CELF4: variants seen among roughly 807,000 people sequenced by gnomAD.
CELF4 encodes the protein CUGBP Elav-like family member 4.
In CELF4, 18 loss-of-function variants were observed where a neutral mutation model predicts 59.9. That is an observed-to-expected ratio of 0.30 (90% CI 0.21 to 0.45). The LOEUF (loss-of-function observed/expected upper bound fraction) is 0.45. CELF4 is among the 20% of genes least tolerant of loss of function. CELF4 has a pLI of 1.00. For missense variants in CELF4, 456 were observed against 689.0 expected (o/e 0.66, Z 3.79); for synonymous variants, 261 against 267.1 (o/e 0.98, Z 0.22).
intron 2 of CELF4, among the ~76,000 whole-genome samples, chr18:37,328,278 G>A (rs954289241): frequency 3.9e-5 from 6 of 152,210 alleles, no homozygotes; most frequent in African/African-American, 7.2e-5. Context: ...ATCTGCAAGA[G>A]CAGGTTCTCA....
chr18:37,352,485 A>C (rs983317742), intron 2 of CELF4, among the ~76,000 whole-genome samples: 9 of 152,198 alleles, frequency 5.9e-5, no homozygotes, highest in Non-Finnish European at 8.8e-5. Flanking sequence ...TCTATAAAAA[A>C]TAATTAGCCA....
chr18:37,389,409 T>G (rs606359), intron 2 of CELF4, among the ~76,000 whole-genome samples: 73,276 of 152,068 alleles, frequency 0.48, 18,225 homozygotes, highest in East Asian at 0.7. Flanking sequence ...TGGAAATATT[T>G]TTTTAATTGA....
rs1472064279 is a variant in CELF4, at chr18:37,553,693, C to A, written c.286+11663G>T. Among the ~76,000 whole-genome samples, 5 of 152,284 alleles carry A rather than the reference C, an allele frequency of 3.3e-5. No homozygotes were observed. The East Asian group carries it at 9.7e-4, about 29-fold the overall frequency. Reference sequence around the variant, plus strand: ...TTTTGCTGGTGTCCCAGGCTCAGGCCCGGCTTGTCAAGTGAGGGAAATGAC... The same window carrying A: ...TTTTGCTGGTGTCCCAGGCTCAGGCACGGCTTGTCAAGTGAGGGAAATGAC... On this transcript the variant is annotated intron_variant, in intron 1 of 12. Coordinates refer to ENST00000420428, the MANE Select transcript of CELF4 (RefSeq NM_020180.4).
chr18:37,427,977 G>A (rs370597891), intron 2 of CELF4, among the ~76,000 whole-genome samples: 16 of 152,344 alleles, frequency 1.1e-4, no homozygotes, highest in Middle Eastern at 6.8e-3. Flanking sequence ...GTATGTGTGC[G>A]TGCATGTGCA....
chr18:37,449,658 G>A (rs2099757674), intron 2 of CELF4, among the ~76,000 whole-genome samples: 1 of 152,178 alleles, frequency 6.6e-6, no homozygotes, highest in Non-Finnish European at 1.5e-5. Context: ...AGAGTAAGGG[G>A]AAGGAAGAGC....
At chr18:37,314,344 A>G (rs1173690013) in intron 3 of CELF4, among the ~76,000 whole-genome samples, 1 of 151,930 alleles carries the variant, frequency 6.6e-6, no homozygotes, top group Non-Finnish European at 1.5e-5. Flanking sequence ...AATCCCAGCT[A>G]CTCTGGGGGC....
chr18:37,535,491 A>C (rs1271795629), intron 1 of CELF4, among the ~76,000 whole-genome samples: 1 of 152,204 alleles, frequency 6.6e-6, no homozygotes, highest in Admixed American at 6.5e-5. Flanking sequence ...GGCAAAATTC[A>C]GGAGCCACCT....
intron 2 of CELF4, among the ~76,000 whole-genome samples, chr18:37,439,612 C>T (rs554143202): frequency 1.3e-5 from 2 of 152,090 alleles, no homozygotes; most frequent in African/African-American, 2.4e-5. Flanking sequence ...ATGTTGGAGC[C>T]CTTGGGGACC....
chr18:37,565,694 C>CTT lies in CELF4; in HGVS notation c.-54_-53insAA. The CTT allele has an allele frequency of 4.3e-6, 6 of 1,385,042 alleles. No homozygotes were observed. Among genetic ancestry groups the CTT allele is most frequent in the South Asian group, 1.4e-5 (1 of 71,236 alleles). The allele number at this position is 1,385,042 out of a possible 1,614,324, so 85.8% of individuals were successfully genotyped here. The stretch of plus-strand genomic sequence containing the variant: ...TTCTCGCTCACACTCTCTCGCTCCT[C>CTT]TCTCTCGCTCGCTCGCGCTCACACA... On this transcript the variant is annotated 5_prime_UTR_variant, in exon 1 of 13. Transcript: ENST00000420428.
chr18:37,500,448 C>T (rs987391317), intron 1 of CELF4, among the ~76,000 whole-genome samples: 1 of 152,148 alleles, frequency 6.6e-6, no homozygotes, highest in Admixed American at 6.5e-5. Flanking sequence ...CTTCCGACTC[C>T]TGCAGCTGAG....
At chr18:37,326,679 G>A (rs369551826) in intron 2 of CELF4, among the ~76,000 whole-genome samples, 50 of 152,272 alleles carry the variant, frequency 3.3e-4, no homozygotes, top group African/African-American at 8.9e-4. Context: ...AAACCCTTGT[G>A]GACTGTGTTT....
chr18:37,425,614 A>T (rs990299697), intron 2 of CELF4, among the ~76,000 whole-genome samples: 57 of 152,374 alleles, frequency 3.7e-4, no homozygotes, highest in Non-Finnish European at 1.6e-4. Flanking sequence ...TAATTACCTC[A>T]TTAGAGCAGA....
intron 3 of CELF4, among the ~76,000 whole-genome samples, chr18:37,320,695 C>T (rs1304006540): frequency 6.6e-6 from 1 of 152,216 alleles, no homozygotes; most frequent in Non-Finnish European, 1.5e-5. Flanking sequence ...CAGTTCAGAG[C>T]AACGTCTGGG....
At chr18:37,554,108 T>C (rs975702964) in intron 1 of CELF4, among the ~76,000 whole-genome samples, 14 of 152,296 alleles carry the variant, frequency 9.2e-5, no homozygotes, top group African/African-American at 2.9e-4. Context: ...GACTGAATGC[T>C]GGTGCCAGAA....
chr18:37,331,585 C>T (rs2097544569), intron 2 of CELF4, among the ~76,000 whole-genome samples: 1 of 152,050 alleles, frequency 6.6e-6, no homozygotes. Context: ...TGGGGGTGTG[C>T]ACTCGGGTCT....
intron 3 of CELF4, among the ~76,000 whole-genome samples, chr18:37,301,823 G>A (rs1409353783): frequency 1.3e-5 from 2 of 152,164 alleles, no homozygotes; most frequent in African/African-American, 4.8e-5. Context: ...GCCCTTAATT[G>A]ATCTTATCCA....
Position 37,245,451 on chromosome 18 carries a change from G to A in CELF4, c.*45-254C>T, listed in dbSNP as rs1293901614. ...GCTGAGGTTTCGTTGTTGGGAGAAG[G>A]TTCTTGATTTGGGTTACTTTAGCAT... is the stretch of plus-strand genomic sequence containing the variant. On this transcript the variant is annotated intron_variant, in intron 12 of 12. Transcript: ENST00000420428. This position sits in a 1 kb window ranked among gnomAD's most constrained non-coding sequence, Gnocchi z 4.1. 6.6e-6 allele frequency among the ~76,000 whole-genome samples: 1 copy of A among 152,118 alleles called. No individual in the cohort carries two copies. The highest frequency in any genetic ancestry group is 6.5e-5 in the Admixed American group (1 of 15,270).
chr18:37,312,738 C>T (rs1272888026), intron 3 of CELF4, among the ~76,000 whole-genome samples: 3 of 152,138 alleles, frequency 2.0e-5, no homozygotes, highest in Non-Finnish European at 4.4e-5. Context: ...AGGGTAGACA[C>T]AAGGGCTCCT....
intron 2 of CELF4, among the ~76,000 whole-genome samples, chr18:37,330,683 A>G (rs1323937595): frequency 6.6e-6 from 1 of 152,228 alleles, no homozygotes; most frequent in South Asian, 2.1e-4. Flanking sequence ...GGAGGTACTG[A>G]CCAAATGATG....
Sources: gnomAD v4.1 joint callset for allele counts (sites outside exome capture counted in the v4.1 genomes callset) on GRCh38, gnomAD v4.1.1 for gene constraint, Gnocchi (gnomAD v3.1) non-coding constraint, MANE v1.5 for transcripts, NCBI Gene and HGNC (gene_info 2026-07-23, HGNC 2026-07-21) for gene names.